The following KIAA1217 variants were observed in gnomAD, a reference collection of about 807,000 sequenced individuals.
The protein encoded by KIAA1217 is sickle tail protein homolog.
Under a neutral mutation model 163.9 loss-of-function variants are expected in KIAA1217, and 88 were observed. The observed-to-expected ratio is 0.54, with a 90% confidence interval of 0.45 to 0.64. The LOEUF is 0.64. KIAA1217 is among the 30% of genes least tolerant of loss of function. KIAA1217 has a pLI of 0.00. For synonymous variants in KIAA1217, 903 were observed against 923.1 expected (o/e 0.98, Z 0.39); for missense variants, 2,372 against 2,475.0 (o/e 0.96, Z 0.88).
intron 2 of KIAA1217, among the ~76,000 whole-genome samples, chr10:24,086,797 A>G (rs2061712547): frequency 6.6e-6 from 1 of 152,204 alleles, no homozygotes; most frequent in African/African-American, 2.4e-5. Flanking sequence ...AAATAGACAC[A>G]GTCTGATCTT....
chr10:24,008,541 A>C (rs1334947578), intron 2 of KIAA1217, among the ~76,000 whole-genome samples: 1 of 152,158 alleles, frequency 6.6e-6, no homozygotes, highest in African/African-American at 2.4e-5. Context: ...GAAGGAGGGC[A>C]TGCGGGTGCT....
chr10:24,516,368 C>T (rs1020318914), intron 10 of KIAA1217, among the ~76,000 whole-genome samples: 1 of 152,204 alleles, frequency 6.6e-6, no homozygotes, highest in African/African-American at 2.4e-5. Context: ...CCTCACATAC[C>T]TGCTTGATGC....
intron 2 of KIAA1217, among the ~76,000 whole-genome samples, chr10:24,132,610 GCT>G (rs5783877): frequency 0.23 from 34,305 of 151,962 alleles, 3,992 homozygotes; most frequent in East Asian, 0.41. Flanking sequence ...TTCTACTGAG[GCT>G]CCCAGTTCTA....
chr10:23,988,691 A>T (rs1846086344), intron 1 of KIAA1217, among the ~76,000 whole-genome samples: 1 of 152,244 alleles, frequency 6.6e-6, no homozygotes, highest in African/African-American at 2.4e-5. Context: ...AGTATATGAG[A>T]ACTATACAGT....
chr10:23,977,872 A>C (rs1845603659), intron 1 of KIAA1217, among the ~76,000 whole-genome samples: 1 of 152,174 alleles, frequency 6.6e-6, no homozygotes, highest in Admixed American at 6.5e-5. Context: ...TTGAAAAGAG[A>C]GCTTCAGGAG....
At chr10:23,926,205 C>G (rs754664369) in intron 1 of KIAA1217, among the ~76,000 whole-genome samples, 4 of 152,112 alleles carry the variant, frequency 2.6e-5, no homozygotes, top group African/African-American at 9.7e-5. Context: ...CCACCCAGGG[C>G]CGGGATGGGT....
intron 2 of KIAA1217, among the ~76,000 whole-genome samples, chr10:24,274,456 A>G (rs1475876351): frequency 6.6e-6 from 1 of 152,188 alleles, no homozygotes; most frequent in Non-Finnish European, 1.5e-5. Context: ...ACATCTGCAA[A>G]AAAAGTAAAA....
intron 1 of KIAA1217, among the ~76,000 whole-genome samples, chr10:23,868,471 C>G (rs1353295853): frequency 6.6e-6 from 1 of 152,106 alleles, no homozygotes; most frequent in South Asian, 2.1e-4. Context: ...CTGTATAGCT[C>G]TTTGTATGGA....
At chr10:23,904,481 T>C (rs750775735) in intron 1 of KIAA1217, among the ~76,000 whole-genome samples, 20 of 152,294 alleles carry the variant, frequency 1.3e-4, no homozygotes, top group Non-Finnish European at 2.5e-4. Flanking sequence ...ACAAAAGTTA[T>C]ATTGTATTCA....
chr10:24,466,532 T>A, intron 5 of KIAA1217: 8 of 985,408 alleles, frequency 8.1e-6, no homozygotes, highest in Non-Finnish European at 9.6e-6. Flanking sequence ...TTTTTATCCA[T>A]GCCAGTGTCA....
At chr10:24,121,366 C>T (rs2063275663) in intron 2 of KIAA1217, among the ~76,000 whole-genome samples, 1 of 152,218 alleles carries the variant, frequency 6.6e-6, no homozygotes, top group African/African-American at 2.4e-5. Context: ...TCATGCTTTT[C>T]TGGGCTTCAG....
intron 8 of KIAA1217, 127 bp from the exon 9 acceptor site, chr10:24,501,252 A>G: frequency 1.4e-6 from 1 of 728,692 alleles, no homozygotes; most frequent in Middle Eastern, 2.4e-4. Flanking sequence ...ATTCATATAT[A>G]TGCATATTTT....
intron 1 of KIAA1217, among the ~76,000 whole-genome samples, chr10:23,733,353 T>C (rs1838589231): frequency 6.6e-6 from 1 of 152,206 alleles, no homozygotes; most frequent in South Asian, 2.1e-4. Context: ...TTTAATACTT[T>C]AAAAATTCTT....
chr10:23,850,615 A>C (rs1446437658), intron 1 of KIAA1217, among the ~76,000 whole-genome samples: 1 of 152,140 alleles, frequency 6.6e-6, no homozygotes, highest in Non-Finnish European at 1.5e-5. Context: ...CATTTATACA[A>C]GATTTGGTAG....
At chr10:24,422,710 AATG>A (rs1358706550) in intron 3 of KIAA1217, among the ~76,000 whole-genome samples, 1 of 152,118 alleles carries the variant, frequency 6.6e-6, no homozygotes, top group African/African-American at 2.4e-5. Flanking sequence ...TGCTCATTTC[AATG>A]ATATTAACAT....
At chr10:23,901,705 T>A (rs1841962150) in intron 1 of KIAA1217, among the ~76,000 whole-genome samples, 1 of 151,952 alleles carries the variant, frequency 6.6e-6, no homozygotes, top group African/African-American at 2.4e-5. Context: ...GGTAAAGGGT[T>A]TGAGACCAGT....
chr10:24,227,197 A>T (rs1276151155), intron 2 of KIAA1217, among the ~76,000 whole-genome samples: 6 of 151,618 alleles, frequency 4.0e-5, no homozygotes, highest in African/African-American at 1.5e-4. Context: ...TCGCTCTGTC[A>T]CCCAGGCTGG....
At chr10:23,993,001 C>A (rs1846285229) in intron 1 of KIAA1217, among the ~76,000 whole-genome samples, 1 of 150,742 alleles carries the variant, frequency 6.6e-6, no homozygotes, top group Admixed American at 6.6e-5. Context: ...TCACTTGTCC[C>A]CATGAACAAA....
intron 1 of KIAA1217, among the ~76,000 whole-genome samples, chr10:23,750,881 C>G (rs1470440171): frequency 6.6e-6 from 1 of 152,098 alleles, no homozygotes; most frequent in African/African-American, 2.4e-5. Flanking sequence ...AGTGGTTCAT[C>G]ACCAGGCATG....
Sources: gnomAD v4.1 joint callset for allele counts (sites outside exome capture counted in the v4.1 genomes callset) on GRCh38, gnomAD v4.1.1 for gene constraint, MANE v1.5 for transcripts, NCBI Gene and HGNC (gene_info 2026-07-23, HGNC 2026-07-21) for gene names.